Variants in RMDN2 observed in about 807,000 individuals in gnomAD.
RMDN2 encodes the protein regulator of microtubule dynamics 2.
In RMDN2, 61 loss-of-function variants were observed where a neutral mutation model predicts 52.8. That is an observed-to-expected ratio of 1.16 (90% CI 0.94 to 1.43). RMDN2 has a LOEUF of 1.43. Among genes scored for constraint, RMDN2 ranks in the 40% most tolerant of loss-of-function variants. RMDN2 has a pLI of 0.00. For missense variants in RMDN2, 592 were observed against 475.3 expected (o/e 1.25, Z -2.28); for synonymous variants, 180 against 153.1 (o/e 1.18, Z -1.30).
chr2:37,954,209 C>G (rs1669180639), intron 2 of RMDN2, among the ~76,000 whole-genome samples: 1 of 151,948 alleles, frequency 6.6e-6, no homozygotes, highest in Non-Finnish European at 1.5e-5. Flanking sequence ...TTGAGGTAGT[C>G]TAGTTTATCA....
intron 10 of RMDN2, among the ~76,000 whole-genome samples, chr2:38,053,952 C>T (rs1252821592): frequency 2.0e-5 from 3 of 152,126 alleles, no homozygotes; most frequent in South Asian, 4.1e-4. Context: ...AGGAAGTAAA[C>T]CTACCAAGAA....
At chr2:37,926,408 C>G (rs746722242) in intron 1 of RMDN2, among the ~76,000 whole-genome samples, 51 of 152,156 alleles carry the variant, frequency 3.4e-4, no homozygotes, top group Admixed American at 5.2e-4. Context: ...TTTTAGAATA[C>G]TTGATTCTCA....
chr2:38,009,178 A>G (rs141113402), intron 10 of RMDN2, among the ~76,000 whole-genome samples: 5 of 151,932 alleles, frequency 3.3e-5, no homozygotes, highest in Non-Finnish European at 5.9e-5. Flanking sequence ...TGACAATTAC[A>G]TGTCTTGGAG....
At chr2:38,042,480 C>T (rs1350104951) in intron 10 of RMDN2, among the ~76,000 whole-genome samples, 1 of 150,948 alleles carries the variant, frequency 6.6e-6, no homozygotes, top group African/African-American at 2.4e-5. Flanking sequence ...TGGTTTAATT[C>T]ATTTTCTCTA....
chr2:38,054,232 G>C (rs1681757049), intron 10 of RMDN2, among the ~76,000 whole-genome samples: 1 of 152,168 alleles, frequency 6.6e-6, no homozygotes. Context: ...TTATTAAATA[G>C]TATTAAACTC....
intron 10 of RMDN2, among the ~76,000 whole-genome samples, chr2:38,041,143 G>A (rs945634191): frequency 2.6e-5 from 4 of 152,098 alleles, no homozygotes; most frequent in African/African-American, 4.8e-5. Context: ...AACTTCTCCA[G>A]TTTCACCATC....
In RMDN2 at chr2:37,973,427, TG is replaced by T. The variant is rs1430248782; in HGVS notation, c.453-612del. Reference sequence around the variant, plus strand: ...ATTCAGCAAATTCAGTGAATAGTGCTGTTCTAGGCACTTGATACATCAGTTA... The same window carrying T: ...ATTCAGCAAATTCAGTGAATAGTGCTTTCTAGGCACTTGATACATCAGTTA... On this transcript the variant is annotated intron_variant, in intron 2 of 10. Coordinates refer to ENST00000354545, the MANE Select transcript of RMDN2 (RefSeq NM_001170791.3). 1.1e-4 allele frequency among the ~76,000 whole-genome samples: 17 copies of T among 152,358 alleles called. 1 individual carries two copies. Among genetic ancestry groups the T allele is most frequent in the African/African-American group, 3.6e-4 (15 of 41,592 alleles).
At chr2:38,058,383 A>C (rs1205247440) in intron 10 of RMDN2, among the ~76,000 whole-genome samples, 1 of 152,216 alleles carries the variant, frequency 6.6e-6, no homozygotes, top group Non-Finnish European at 1.5e-5. Context: ...CATGAGGGGA[A>C]GACCCTCTTT....
At chr2:37,983,875 T>A (rs1197862668) in intron 5 of RMDN2, among the ~76,000 whole-genome samples, 1 of 152,180 alleles carries the variant, frequency 6.6e-6, no homozygotes, top group Non-Finnish European at 1.5e-5. Context: ...GCAGATGAAT[T>A]TGACTGCCTG....
intron 6 of RMDN2, among the ~76,000 whole-genome samples, chr2:37,990,075 G>A (rs964310395): frequency 5.9e-5 from 9 of 151,286 alleles, no homozygotes; most frequent in Non-Finnish European, 5.9e-5. Flanking sequence ...CCTGGGGGGC[G>A]GAGCTTGCAG....
At chr2:37,921,887 G>A (rs757423382), upstream of RMDN2, among the ~76,000 whole-genome samples, 3 of 152,174 alleles carry the variant, frequency 2.0e-5, no homozygotes, top group Non-Finnish European at 4.4e-5. Flanking sequence ...TATAAAGAAC[G>A]AAGCTTGAAA....
chr2:37,977,443 A>G (rs1672643439), intron 4 of RMDN2, among the ~76,000 whole-genome samples: 2 of 144,296 alleles, frequency 1.4e-5, no homozygotes, highest in Non-Finnish European at 3.0e-5. Flanking sequence ...CACCTCCCAG[A>G]CGGGGCGGCT....
chr2:38,014,382 G>A (rs1678448083), intron 10 of RMDN2, among the ~76,000 whole-genome samples: 1 of 152,064 alleles, frequency 6.6e-6, no homozygotes, highest in Non-Finnish European at 1.5e-5. Flanking sequence ...TATTTCTTAA[G>A]ATTTTGCAAT....
chr2:37,922,055 T>C (rs956280637), upstream of RMDN2, among the ~76,000 whole-genome samples: 8 of 152,202 alleles, frequency 5.3e-5, no homozygotes, highest in Non-Finnish European at 1.0e-4. Flanking sequence ...TCTCCCTCTC[T>C]AAATCCCTCT....
intron 2 of RMDN2, among the ~76,000 whole-genome samples, chr2:37,962,860 G>A (rs1039149437): frequency 2.6e-5 from 4 of 152,152 alleles, no homozygotes; most frequent in African/African-American, 7.2e-5. Flanking sequence ...CGCGGTCTGC[G>A]GGTTGCAAAA....
intron 10 of RMDN2, among the ~76,000 whole-genome samples, chr2:38,006,185 G>T (rs1161345374): frequency 1.4e-4 from 22 of 152,108 alleles, no homozygotes; most frequent in Non-Finnish European, 4.4e-5. Flanking sequence ...TGGCAATGTG[G>T]GCTCTTTTTT....
intron 2 of RMDN2, among the ~76,000 whole-genome samples, chr2:37,961,183 G>A (rs370603839): frequency 1.3e-5 from 2 of 151,982 alleles, no homozygotes; most frequent in Non-Finnish European, 2.9e-5. Flanking sequence ...TGCTCTTCTC[G>A]AGGAGTATCT....
chr2:37,927,277 A>G (rs1277480072), intron 1 of RMDN2, among the ~76,000 whole-genome samples: 1 of 152,210 alleles, frequency 6.6e-6, no homozygotes, highest in Non-Finnish European at 1.5e-5. Flanking sequence ...GGTGCATCCA[A>G]GAGTTAGGAA....
At chr2:38,005,823 T>A (rs989811822) in intron 10 of RMDN2, among the ~76,000 whole-genome samples, 1 of 152,236 alleles carries the variant, frequency 6.6e-6, no homozygotes, top group African/African-American at 2.4e-5. Context: ...TCCTAGGGTT[T>A]TTATGGTTTT....
Sources: allele counts gnomAD v4.1 joint callset (sites outside exome capture counted in the v4.1 genomes callset), GRCh38; gene constraint gnomAD v4.1.1; transcripts MANE v1.5; gene names NCBI Gene and HGNC (gene_info 2026-07-23, HGNC 2026-07-21).